The following SASH1 variants were observed in gnomAD, a reference collection of about 807,000 sequenced individuals.
The protein encoded by SASH1 is SAM and SH3 domain containing 1, also known as SAM and SH3 domain-containing protein 1.
SASH1 carries 44 observed loss-of-function variants against 125.2 expected under a neutral mutation model. The observed-to-expected ratio is 0.35, with a 90% CI of 0.28 to 0.45. The LOEUF (loss-of-function observed/expected upper bound fraction) is 0.45, where lower values mean the gene tolerates loss of function less well. SASH1 is among the 20% of genes least tolerant of loss of function. The pLI is 1.00. For synonymous variants in SASH1, 639 were observed against 649.1 expected (o/e 0.98, Z 0.24); for missense variants, 1,426 against 1,614.5 (o/e 0.88, Z 2.00).
chr6:148,450,518 C>G (rs953035374), intron 4 of SASH1, among the ~76,000 whole-genome samples: 1 of 152,006 alleles, frequency 6.6e-6, no homozygotes, highest in Non-Finnish European at 1.5e-5. Context: ...AGTCTCTTAA[C>G]TGTCTGTATC....
At chr6:148,489,732 G>A (rs1450680546) in intron 8 of SASH1, among the ~76,000 whole-genome samples, 2 of 151,816 alleles carry the variant, frequency 1.3e-5, no homozygotes, top group African/African-American at 4.8e-5. Context: ...GTTATTGTAA[G>A]TGACAATGCT....
chr6:148,209,133 T>A, the SASH1 span, among the ~76,000 whole-genome samples: 1 of 152,236 alleles, frequency 6.6e-6, no homozygotes, highest in Admixed American at 6.5e-5. Context: ...CCATTAATAC[T>A]AATAGAACTT....
the SASH1 span, among the ~76,000 whole-genome samples, chr6:148,227,217 C>T: frequency 6.6e-6 from 1 of 152,112 alleles, no homozygotes; most frequent in Non-Finnish European, 1.5e-5. Context: ...GGTTTATGTA[C>T]AAAGTTGTTT....
At chr6:148,212,437 G>T in the SASH1 span, among the ~76,000 whole-genome samples, 1 of 152,292 alleles carries the variant, frequency 6.6e-6, no homozygotes, top group Non-Finnish European at 1.5e-5. Context: ...GTTGACAAAA[G>T]ACATCTTAAT....
At chr6:148,323,866 C>T (rs1264069657) in intron 1 of SASH1, among the ~76,000 whole-genome samples, 1 of 152,034 alleles carries the variant, frequency 6.6e-6, no homozygotes, top group African/African-American at 2.4e-5. Flanking sequence ...GTGGCTCATG[C>T]CTGTAATCCC....
chr6:148,457,874 G>A (rs1247626032), intron 4 of SASH1, among the ~76,000 whole-genome samples: 1 of 152,092 alleles, frequency 6.6e-6, no homozygotes. Flanking sequence ...CAGCAAAGGG[G>A]GAAGCCCTTA....
intron 4 of SASH1, among the ~76,000 whole-genome samples, chr6:148,447,512 A>C (rs1169223822): frequency 6.6e-6 from 1 of 152,142 alleles, no homozygotes. Flanking sequence ...GCAGGGAAGA[A>C]GTCCCAGCAC....
intron 1 of SASH1, among the ~76,000 whole-genome samples, chr6:148,382,225 C>T (rs1783168385): frequency 6.6e-6 from 1 of 152,174 alleles, no homozygotes; most frequent in Non-Finnish European, 1.5e-5. Context: ...CATGAGACAG[C>T]ATCTGAACCC....
In SASH1 at chr6:148,308,457, G is replaced by A. The variant is rs1291377721; in HGVS notation, n.74+36080G>A. On this transcript the variant is annotated intron_variant and non_coding_transcript_variant, in intron 1 of 3. Transcript: ENST00000367469. Reference sequence around the variant, plus strand: ...GTTGCCCAGGCTGGAGTGCAATGGCGCTGCCTTGGCTCACTGTAACCTCCG... The same window carrying A: ...GTTGCCCAGGCTGGAGTGCAATGGCACTGCCTTGGCTCACTGTAACCTCCG... Among the ~76,000 whole-genome samples the A allele has an allele frequency of 4.0e-5, 6 of 150,224 alleles. No homozygotes were observed. The East Asian group carries it at 6.0e-4, about 15-fold the overall frequency.
upstream of SASH1, chr6:148,342,802 T>G (rs1462418438): frequency 6.5e-6 from 1 of 153,902 alleles, no homozygotes; most frequent in Non-Finnish European, 1.4e-5. Context: ...GTGCGGACTT[T>G]GCCTCCTGCT....
chr6:148,267,390 T>TGTGTGTGTGTGTGTGTGTGTGTGC (rs1562297858), upstream of SASH1, among the ~76,000 whole-genome samples: 3 of 150,582 alleles, frequency 2.0e-5, no homozygotes, highest in African/African-American at 7.3e-5. Context: ...TGTGTGTGTG[T>TGTGTGTGTGTGTGTGTGTGTGTGC]GTGTGTGAGA....
At chr6:148,265,699 G>A in the SASH1 span, among the ~76,000 whole-genome samples, 1 of 152,130 alleles carries the variant, frequency 6.6e-6, no homozygotes, top group South Asian at 2.1e-4. Context: ...ACTGGCTCAA[G>A]ACCCCACAGC....
chr6:148,465,049 T>C (rs751546700), intron 4 of SASH1, among the ~76,000 whole-genome samples: 2 of 152,152 alleles, frequency 1.3e-5, no homozygotes, highest in Non-Finnish European at 2.9e-5. Context: ...GTGAAAATAT[T>C]GTCAGTCATC....
At chr6:148,449,363 C>G (rs1397441741) in intron 4 of SASH1, among the ~76,000 whole-genome samples, 1 of 149,628 alleles carries the variant, frequency 6.7e-6, no homozygotes, top group Non-Finnish European at 1.5e-5. Flanking sequence ...AGTCACCGTA[C>G]CTGGCTGAGA....
At chr6:148,325,444 T>C (rs932237476) in intron 1 of SASH1, among the ~76,000 whole-genome samples, 1 of 151,996 alleles carries the variant, frequency 6.6e-6, no homozygotes, top group African/African-American at 2.4e-5. Flanking sequence ...GCCCAGCTAA[T>C]TTTTAAAATA....
intron 2 of SASH1, among the ~76,000 whole-genome samples, chr6:148,398,223 C>G (rs80046028): frequency 2.2e-4 from 34 of 152,260 alleles, no homozygotes; most frequent in Non-Finnish European, 4.3e-4. Flanking sequence ...TAGAATATTC[C>G]GATTCATTCC....
intron 1 of SASH1, among the ~76,000 whole-genome samples, chr6:148,292,925 G>A (rs1451494143): frequency 6.6e-6 from 1 of 152,040 alleles, no homozygotes; most frequent in South Asian, 2.1e-4. Flanking sequence ...GGTGGCATGT[G>A]CCTGTAATCC....
At chr6:148,346,487 CAA>C (rs71688552) in intron 1 of SASH1, among the ~76,000 whole-genome samples, 53 of 139,406 alleles carry the variant, frequency 3.8e-4, no homozygotes, top group South Asian at 9.0e-4. Context: ...AACAAGCTTG[CAA>C]AAAAAAAAAA....
chr6:148,326,354 ATATG>A (rs1281169843), intron 1 of SASH1, among the ~76,000 whole-genome samples: 2 of 82,856 alleles, frequency 2.4e-5, no homozygotes, highest in Non-Finnish European at 2.3e-5. Context: ...ATATATATAT[ATATG>A]CATATATATA....
Sources: gnomAD v4.1 joint callset for allele counts (sites outside exome capture counted in the v4.1 genomes callset) on GRCh38, gnomAD v4.1.1 for gene constraint, MANE v1.5 for transcripts, NCBI Gene and HGNC (gene_info 2026-07-23, HGNC 2026-07-21) for gene names.